The following RYR2 variants were observed in gnomAD, a reference collection of about 807,000 sequenced individuals.
The protein encoded by RYR2 is ryanodine receptor 2.
A neutral mutation model predicts 601.1 loss-of-function variants in RYR2; 227 were observed. The ratio of observed to expected loss-of-function variants is 0.38; its 90% CI spans 0.34 to 0.42. The LOEUF is 0.42. Among genes scored for constraint, RYR2 ranks in the 10% least tolerant of loss-of-function variants. The pLI is 1.00. For synonymous variants in RYR2, 2,223 were observed against 2,175.1 expected (o/e 1.02, Z -0.61); for missense variants, 4,646 against 6,156.5 (o/e 0.75, Z 8.21).
At chr1:237,675,263 G>A (rs1014833848) in intron 60 of RYR2, among the ~76,000 whole-genome samples, 2 of 152,216 alleles carry the variant, frequency 1.3e-5, no homozygotes, top group African/African-American at 4.8e-5. Flanking sequence ...AGGGAAACAC[G>A]TTAATACTAG....
At chr1:237,182,728 AT>A (rs2148960271) in intron 1 of RYR2, among the ~76,000 whole-genome samples, 1 of 152,268 alleles carries the variant, frequency 6.6e-6, no homozygotes, top group South Asian at 2.1e-4. Flanking sequence ...TAAAAAATCT[AT>A]TATAATAGTT....
intron 24 of RYR2, among the ~76,000 whole-genome samples, chr1:237,529,132 G>A (rs1005609565): frequency 5.9e-5 from 9 of 152,072 alleles, no homozygotes; most frequent in African/African-American, 2.2e-4. Context: ...AAGGAATGGA[G>A]GGTGCTGGTA....
intron 101 of RYR2, among the ~76,000 whole-genome samples, chr1:237,821,721 C>A (rs1662525137): frequency 6.6e-6 from 1 of 151,862 alleles, no homozygotes; most frequent in Non-Finnish European, 1.5e-5. Context: ...TAATAACAAA[C>A]TCCTCTGAGC....
At chr1:237,708,083 A>G (rs936021115) in intron 68 of RYR2, among the ~76,000 whole-genome samples, 1 of 151,604 alleles carries the variant, frequency 6.6e-6, no homozygotes, top group Non-Finnish European at 1.5e-5. Context: ...CGTCTATGTC[A>G]TCTTTAAATG....
chr1:237,635,108 A>G (rs1680741332), intron 44 of RYR2, 116 bp downstream of exon 44: 2 of 725,834 alleles, frequency 2.8e-6, no homozygotes, highest in Non-Finnish European at 4.3e-6. Context: ...GCAATGTGAC[A>G]TTATGGCCAA....
At chr1:237,525,427 G>A (rs1425464151) in intron 24 of RYR2, among the ~76,000 whole-genome samples, 1 of 148,046 alleles carries the variant, frequency 6.8e-6, no homozygotes, top group Non-Finnish European at 1.5e-5. Flanking sequence ...CAATGAACAT[G>A]TGAGTGCAGG....
chr1:237,661,031 AG>A (rs1683738752), intron 56 of RYR2, 84 bp downstream of exon 56: 13 of 1,211,160 alleles, frequency 1.1e-5, no homozygotes, highest in Non-Finnish European at 1.3e-5. Context: ...GTTTTTCTAA[AG>A]AATAATCTGA....
intron 1 of RYR2, among the ~76,000 whole-genome samples, chr1:237,177,397 G>A (rs182804204): frequency 6.6e-6 from 1 of 152,270 alleles, no homozygotes; most frequent in African/African-American, 2.4e-5. Flanking sequence ...GTGGTTCTCT[G>A]TAAGCATTTT....
chr1:237,819,267 T>G lies in RYR2; in HGVS notation c.14590+75T>G. The G allele has an allele frequency of 1.4e-6, 2 of 1,404,830 alleles. No individual in the cohort carries two copies. The highest frequency in any genetic ancestry group is 2.0e-6 in the Non-Finnish European group (2 of 1,005,314). The allele number at this position is 1,404,830 out of a possible 1,614,324, so 87.0% of individuals were successfully genotyped here. Reference sequence around the variant, plus strand: ...ATGTTGCTGAAGTTAATATTCAAGGTAGGGTAATGACGTCAAGTGTTTCCT... The same window carrying G: ...ATGTTGCTGAAGTTAATATTCAAGGGAGGGTAATGACGTCAAGTGTTTCCT... On this transcript the variant is annotated intron_variant, in intron 101 of 104. Coordinates refer to ENST00000366574, the MANE Select transcript of RYR2 (RefSeq NM_001035.3). This position sits in a 1 kb window ranked among gnomAD's most constrained non-coding sequence, Gnocchi z 4.0.
intron 1 of RYR2, among the ~76,000 whole-genome samples, chr1:237,153,875 G>GT (rs1346449466): frequency 2.6e-5 from 4 of 151,974 alleles, no homozygotes; most frequent in African/African-American, 9.7e-5. Context: ...TTTTTGTTTT[G>GT]TTTTTTATTC....
chr1:237,231,440 C>T lies in RYR2; in HGVS notation c.49-39057C>T, dbSNP rs561493241. ...CCTCCCAAATAGCTGGAACTACAGG[C>T]GCACACTACTGCACCCATCTTTTAG... is the stretch of plus-strand genomic sequence containing the variant. On this transcript the variant is annotated intron_variant, in intron 1 of 104. Coordinates refer to ENST00000366574, the MANE Select transcript of RYR2 (RefSeq NM_001035.3). Among the ~76,000 whole-genome samples the T allele has an allele frequency of 1.4e-4, 22 of 152,026 alleles. No individual in the cohort carries two copies. In the South Asian group the frequency reaches 4.4e-3, roughly 30 times the overall value.
At chr1:237,350,602 A>AAAAAAAAT (rs1558665984) in intron 3 of RYR2, among the ~76,000 whole-genome samples, 2 of 37,006 alleles carry the variant, frequency 5.4e-5, no homozygotes, top group Non-Finnish European at 1.0e-4. Context: ...AAAAAAAAAA[A>AAAAAAAAT]ATATATATAT....
Position 237,788,155 on chromosome 1 carries a change from A to C in RYR2, c.13476+20A>C. Reference sequence around the variant, plus strand: ...CTTCTAGTAAGATGTTTTAGAATGAATATTGTTACTGATATAGTGCAATAC... The same window carrying C: ...CTTCTAGTAAGATGTTTTAGAATGACTATTGTTACTGATATAGTGCAATAC... On this transcript the variant is annotated intron_variant, in intron 92 of 104. Coordinates refer to ENST00000366574, the MANE Select transcript of RYR2 (RefSeq NM_001035.3). 1 of 1,581,726 alleles carries C rather than the reference A, an allele frequency of 6.3e-7. No homozygotes were observed. The highest frequency in any genetic ancestry group is 8.7e-7 in the Non-Finnish European group (1 of 1,155,894).
In RYR2 at chr1:237,579,137, A is replaced by G. The variant is rs545559878; in HGVS notation, c.3598+9818A>G. On this transcript the variant is annotated intron_variant, in intron 29 of 104. Coordinates refer to ENST00000366574, the MANE Select transcript of RYR2 (RefSeq NM_001035.3). ...TTTATGATCTAAGCCCAGCTCACCAATTTAAAAAATCAGAACTTGAGTCCC... is the reference window on the plus strand; with the variant it reads ...TTTATGATCTAAGCCCAGCTCACCAGTTTAAAAAATCAGAACTTGAGTCCC... Among the ~76,000 whole-genome samples the G allele has an allele frequency of 7.2e-5, 11 of 152,232 alleles. No homozygotes were observed. In the South Asian group the frequency reaches 2.1e-3, roughly 29 times the overall value.
chr1:237,515,667 CT>C (rs1430792656), intron 24 of RYR2, among the ~76,000 whole-genome samples: 1 of 18,112 alleles, frequency 5.5e-5, no homozygotes, highest in Admixed American at 6.7e-4. Flanking sequence ...CTTCCCCTCC[CT>C]TTTTTTCCTT....
At chr1:237,207,935 G>A (rs1179340566) in intron 1 of RYR2, among the ~76,000 whole-genome samples, 1 of 152,182 alleles carries the variant, frequency 6.6e-6, no homozygotes, top group Non-Finnish European at 1.5e-5. Flanking sequence ...CCTTAGGTGG[G>A]GTCTTTGAAA....
At chr1:237,140,595 C>A (rs1673284087) in intron 1 of RYR2, among the ~76,000 whole-genome samples, 1 of 152,226 alleles carries the variant, frequency 6.6e-6, no homozygotes, top group African/African-American at 2.4e-5. Flanking sequence ...ACATGTTCAA[C>A]TTTCTCATTT....
At chr1:237,100,379 T>C (rs1268182197) in intron 1 of RYR2, among the ~76,000 whole-genome samples, 2 of 143,498 alleles carry the variant, frequency 1.4e-5, no homozygotes, top group African/African-American at 4.9e-5. Flanking sequence ...TCTTCTTCTT[T>C]TTTTTTCTTT....
intron 1 of RYR2, among the ~76,000 whole-genome samples, chr1:237,061,496 G>C (rs1033307203): frequency 3.3e-5 from 5 of 152,064 alleles, no homozygotes; most frequent in Non-Finnish European, 7.4e-5. Context: ...ATTTTTTGTA[G>C]AGATGAGGTC....
Sources: allele counts gnomAD v4.1 joint callset (sites outside exome capture counted in the v4.1 genomes callset), GRCh38; gene constraint gnomAD v4.1.1; non-coding constraint Gnocchi (gnomAD v3.1); transcripts MANE v1.5; gene names NCBI Gene and HGNC (gene_info 2026-07-23, HGNC 2026-07-21).